CACNG2: variants seen among roughly 807,000 people sequenced by gnomAD.
The protein encoded by CACNG2 is voltage-dependent calcium channel gamma-2 subunit.
CACNG2 carries 3 observed loss-of-function variants against 25.9 expected under a neutral mutation model. The observed-to-expected ratio is 0.12, with a 90% confidence interval of 0.05 to 0.30. CACNG2 has a LOEUF of 0.30. Ranked by LOEUF, CACNG2 falls within the 10% of genes least tolerant of loss-of-function variation. CACNG2 has a pLI of 1.00. For synonymous variants in CACNG2, 167 were observed against 173.3 expected (o/e 0.96, Z 0.29); for missense variants, 341 against 432.5 (o/e 0.79, Z 1.88).
chr22:36,647,155 C>T (rs905517734), intron 1 of CACNG2, among the ~76,000 whole-genome samples: 108 of 152,096 alleles, frequency 7.1e-4, no homozygotes, highest in Admixed American at 3.3e-3. Context: ...AAAAGCCTTC[C>T]GCTTCTCTCT....
At chr22:36,607,530 C>T (rs984463628) in intron 1 of CACNG2, among the ~76,000 whole-genome samples, 3 of 152,196 alleles carry the variant, frequency 2.0e-5, no homozygotes, top group Admixed American at 6.5e-5. Context: ...AGATGTGAGC[C>T]ACTGCACCTG....
At chr22:36,584,979 C>A (rs1209126882) in intron 2 of CACNG2, 1 of 152,356 alleles carries the variant, frequency 6.6e-6, no homozygotes, top group African/African-American at 2.4e-5. Flanking sequence ...CACCTGCCTA[C>A]TTCTGGCGAA....
At chr22:36,605,850 C>T (rs1935823351) in intron 1 of CACNG2, among the ~76,000 whole-genome samples, 1 of 152,138 alleles carries the variant, frequency 6.6e-6, no homozygotes, top group Admixed American at 6.5e-5. Context: ...GCCCAAGGAG[C>T]TATGGGAACC....
Position 36,606,419 on chromosome 22 carries a change from T to C in CACNG2, c.212-18871A>G, listed in dbSNP as rs766643941. Among the ~76,000 whole-genome samples the C allele has an allele frequency of 1.3e-5, 2 of 152,138 alleles. No homozygotes were observed. The highest frequency in any genetic ancestry group is 2.9e-5 in the Non-Finnish European group (2 of 68,012). On this transcript the variant is annotated intron_variant, in intron 1 of 3. Transcript: ENST00000300105. This position sits in a 1 kb window ranked among gnomAD's most constrained non-coding sequence, Gnocchi z 5.7. ...AGGGACAGAGGGGTGAAGGAACGCC[T>C]CTAAAGATTCATTGCTCGTGTAAGT...
intron 1 of CACNG2, among the ~76,000 whole-genome samples, chr22:36,669,354 A>C (rs966613257): frequency 4.0e-5 from 6 of 151,696 alleles, no homozygotes; most frequent in Admixed American, 3.9e-4. Flanking sequence ...ATACGAAAAA[A>C]AAAATTAGCC....
intron 1 of CACNG2, among the ~76,000 whole-genome samples, chr22:36,592,811 T>C (rs561877629): frequency 6.6e-6 from 1 of 152,304 alleles, no homozygotes; most frequent in Admixed American, 6.5e-5. Flanking sequence ...TTCTCCTAAG[T>C]TGTCCTCTAC....
rs1421452807 is a variant in CACNG2 at position 36,560,934 on chromosome 22, A to AT, written c.*3416dup. ...TTTTTTCAGTTTTCTGCTTTTTAAA[A>AT]TTTTTTTTCTGTTAACAGTCTGAAA... is the stretch of plus-strand genomic sequence containing the variant. On this transcript the variant is annotated 3_prime_UTR_variant, in exon 4 of 4. Transcript: ENST00000300105. 1.3e-5 allele frequency: 2 copies of AT among 148,496 alleles called. No individual in the cohort carries two copies. The highest frequency in any genetic ancestry group is 2.1e-4 in the South Asian group (1 of 4,716). 9.2% of individuals were successfully genotyped at this position (148,496 alleles called of 1,614,324 possible).
At position 36,566,464 on chromosome 22, in the gene CACNG2, T is replaced by C. The variant is rs1464499620; in HGVS notation, c.325A>G (p.Ile109Val). Reference sequence around the variant, plus strand: ...ATGAAAAGCAGAATCACACTCAGGATTGGGAAAATGCTGGAGGCCCTCACG... The same window carrying C: ...ATGAAAAGCAGAATCACACTCAGGACTGGGAAAATGCTGGAGGCCCTCACG... ...RAVRASSIFP[I>V]LSVILLFMGG... is the part of the protein sequence containing the mutation. The change falls in exon 3 of 4, where the codon ATC becomes GTC. Residue 109 changes from isoleucine (I) to valine (V), a missense_variant. By Grantham distance (29) the Ile-to-Val change is conservative (BLOSUM62 3). This residue lies in a region of CACNG2 where 169 missense variants were observed against 254.4 expected (regional missense o/e 0.66). Transcript: ENST00000300105. 6 of 1,613,990 alleles carry C rather than the reference T, an allele frequency of 3.7e-6. No homozygotes were observed. Among genetic ancestry groups the C allele is most frequent in the South Asian group, 1.1e-5 (1 of 91,074 alleles).
intron 1 of CACNG2, among the ~76,000 whole-genome samples, chr22:36,613,156 C>CTCTGTTTG (rs140413982): frequency 2.1e-5 from 3 of 146,122 alleles, no homozygotes; most frequent in Admixed American, 2.0e-4. Flanking sequence ...TACAGGCTCT[C>CTCTGTTTG]TGTGTGTGTG....
At chr22:36,685,298 C>T (rs908166644) in intron 1 of CACNG2, among the ~76,000 whole-genome samples, 1 of 152,134 alleles carries the variant, frequency 6.6e-6, no homozygotes, top group East Asian at 1.9e-4. Context: ...GAGAGGGGCC[C>T]GCCCGCGCCC....
At chr22:36,637,758 G>A (rs1028624034) in intron 1 of CACNG2, among the ~76,000 whole-genome samples, 3 of 152,120 alleles carry the variant, frequency 2.0e-5, no homozygotes, top group Admixed American at 6.5e-5. Context: ...GGTGGCTCAC[G>A]CCTGTAATCC....
chr22:36,679,178 C>CA (rs1555901106), intron 1 of CACNG2, among the ~76,000 whole-genome samples: 4 of 129,532 alleles, frequency 3.1e-5, no homozygotes, highest in Non-Finnish European at 6.6e-5. Flanking sequence ...TCCTTCCTTC[C>CA]TTCCTTCCTT....
At chr22:36,620,554 T>TA (rs1381129892) in intron 1 of CACNG2, among the ~76,000 whole-genome samples, 3 of 152,264 alleles carry the variant, frequency 2.0e-5, no homozygotes, top group African/African-American at 7.2e-5. Context: ...AACACAGACT[T>TA]ATGAGTAAGA....
intron 1 of CACNG2, among the ~76,000 whole-genome samples, chr22:36,677,358 T>A (rs2145998154): frequency 6.6e-6 from 1 of 152,300 alleles, no homozygotes; most frequent in South Asian, 2.1e-4. Flanking sequence ...CATTGGTGTG[T>A]GTCCATCTCT....
chr22:36,661,693 C>T (rs900840533), intron 1 of CACNG2, among the ~76,000 whole-genome samples: 9 of 152,144 alleles, frequency 5.9e-5, no homozygotes, highest in Non-Finnish European at 1.2e-4. Context: ...ACTGACAGTC[C>T]CCTAGCTGTG....
intron 1 of CACNG2, among the ~76,000 whole-genome samples, chr22:36,624,651 T>C (rs1181017441): frequency 6.6e-6 from 1 of 152,138 alleles, no homozygotes; most frequent in African/African-American, 2.4e-5. Flanking sequence ...AAAGGTCTAA[T>C]GAACACCTTC....
At chr22:36,632,850 G>C (rs1263194412) in intron 1 of CACNG2, among the ~76,000 whole-genome samples, 1 of 151,828 alleles carries the variant, frequency 6.6e-6, no homozygotes, top group Admixed American at 6.6e-5. Context: ...TACCCTTCAA[G>C]CCTCCTTATC....
chr22:36,591,042 A>AT lies in CACNG2; in HGVS notation c.212-3495dup, dbSNP rs566209446. ...GCTGCTCTATGTTGGGGGGAGATATATTTTTTTTTTTTGAGACGGTGTCTT... is the reference window on the plus strand; with the variant it reads ...GCTGCTCTATGTTGGGGGGAGATATATTTTTTTTTTTTTGAGACGGTGTCTT... On this transcript the variant is annotated intron_variant, in intron 1 of 3. Transcript: ENST00000300105. 7.3e-3 allele frequency among the ~76,000 whole-genome samples: 1,066 copies of AT among 146,356 alleles called. 7 individuals carry two copies. Among genetic ancestry groups the AT allele is most frequent in the South Asian group, 0.023 (106 of 4,604 alleles).
At chr22:36,641,096 G>A (rs1057328307) in intron 1 of CACNG2, among the ~76,000 whole-genome samples, 25 of 152,258 alleles carry the variant, frequency 1.6e-4, no homozygotes, top group African/African-American at 5.8e-4. Flanking sequence ...CCTCCTCTGA[G>A]AAGCCCTCCA....
Sources: gnomAD v4.1 joint callset for allele counts (sites outside exome capture counted in the v4.1 genomes callset) on GRCh38, gnomAD v4.1.1 for gene constraint, gnomAD v4.1.1 regional missense constraint, Gnocchi (gnomAD v3.1) non-coding constraint, MANE v1.5 for transcripts, NCBI Gene and HGNC (gene_info 2026-07-23, HGNC 2026-07-21) for gene names.